The following NFAM1 variants were observed in gnomAD, a reference collection of about 807,000 sequenced individuals.
The protein encoded by NFAM1 is NFAT activating protein with ITAM motif 1, also known as NFAT activation molecule 1.
NFAM1 carries 17 observed loss-of-function variants against 29.0 expected under a neutral mutation model. That is an observed-to-expected ratio of 0.59 (90% confidence interval 0.40 to 0.88). NFAM1 has a LOEUF of 0.88. Among genes scored for constraint, NFAM1 ranks in the 40% least tolerant of loss-of-function variants. The probability of loss-of-function intolerance (pLI) is 0.00; values close to 1 mark genes in which losing one functional copy is unlikely to be tolerated. For synonymous variants in NFAM1, 175 were observed against 147.2 expected, an observed-to-expected ratio of 1.19 and a Z score of -1.36; for missense variants, 324 against 344.6, an observed-to-expected ratio of 0.94 and a Z score of 0.47.
intron 1 of NFAM1, among the ~76,000 whole-genome samples, chr22:42,424,984 C>A (rs1385101119): frequency 6.6e-6 from 1 of 151,844 alleles, no homozygotes; most frequent in African/African-American, 2.4e-5. Flanking sequence ...TGCAGTGGTG[C>A]AATCCCGTCT....
At chr22:42,393,283 G>A (rs1256629662) in intron 4 of NFAM1, among the ~76,000 whole-genome samples, 2 of 152,094 alleles carry the variant, frequency 1.3e-5, no homozygotes, top group African/African-American at 4.8e-5. Context: ...AGATGTGGTG[G>A]TATGCACCTG....
At chr22:42,397,324 G>A (rs1437093869) in intron 4 of NFAM1, among the ~76,000 whole-genome samples, 5 of 152,184 alleles carry the variant, frequency 3.3e-5, no homozygotes, top group Admixed American at 2.6e-4. Flanking sequence ...ACAGCAGAGA[G>A]TGGAACAAAC....
intron 1 of NFAM1, among the ~76,000 whole-genome samples, chr22:42,428,346 A>G (rs1930689944): frequency 1.3e-5 from 2 of 152,320 alleles, no homozygotes; most frequent in South Asian, 4.1e-4. Context: ...ACAAAGATGA[A>G]AAACAGAGGC....
chr22:42,417,566 G>A (rs1930301962), intron 1 of NFAM1, among the ~76,000 whole-genome samples: 1 of 152,198 alleles, frequency 6.6e-6, no homozygotes, highest in Non-Finnish European at 1.5e-5. Flanking sequence ...GGAGAGCGGG[G>A]CCTGGAGGTG....
chr22:42,405,009 G>A (rs1929847359), intron 3 of NFAM1, among the ~76,000 whole-genome samples: 1 of 152,178 alleles, frequency 6.6e-6, no homozygotes, highest in Admixed American at 6.5e-5. Context: ...TTAGCCTAGT[G>A]ATGGCACACA....
At chr22:42,405,819 C>T (rs1929878309) in intron 3 of NFAM1, among the ~76,000 whole-genome samples, 1 of 152,164 alleles carries the variant, frequency 6.6e-6, no homozygotes, top group Non-Finnish European at 1.5e-5. Flanking sequence ...AGGGCAAGGT[C>T]AAAGTAGGAC....
intron 1 of NFAM1, among the ~76,000 whole-genome samples, chr22:42,418,432 T>C (rs1049771831): frequency 1.3e-5 from 2 of 152,240 alleles, no homozygotes; most frequent in African/African-American, 4.8e-5. Context: ...GGCTCATGCC[T>C]ATTAACCCCA....
At chr22:42,403,597 C>A (rs530353258) in intron 3 of NFAM1, among the ~76,000 whole-genome samples, 8 of 152,222 alleles carry the variant, frequency 5.3e-5, no homozygotes, top group African/African-American at 1.9e-4. Context: ...GGATTATAGG[C>A]GTGAGCCACT....
chr22:42,417,039 G>A (rs554507895), intron 1 of NFAM1, among the ~76,000 whole-genome samples: 26 of 152,274 alleles, frequency 1.7e-4, no homozygotes, highest in African/African-American at 6.3e-4. Flanking sequence ...CAAGCACGCA[G>A]AGCCCAGGGC....
intron 1 of NFAM1, among the ~76,000 whole-genome samples, chr22:42,425,343 C>T (rs1193130465): frequency 1.3e-5 from 2 of 152,170 alleles, no homozygotes; most frequent in African/African-American, 2.4e-5. Context: ...TTGCTCTCGG[C>T]CTCCTTTTAA....
At chr22:42,403,623 G>A (rs1030394717) in intron 3 of NFAM1, among the ~76,000 whole-genome samples, 9 of 152,226 alleles carry the variant, frequency 5.9e-5, no homozygotes, top group Admixed American at 3.9e-4. Context: ...CAGCCTGAAT[G>A]AATGAATTTA....
intron 3 of NFAM1, among the ~76,000 whole-genome samples, chr22:42,399,468 G>GA: frequency 6.8e-6 from 1 of 146,500 alleles, no homozygotes; most frequent in African/African-American, 2.5e-5. Context: ...AAAAAAGAAA[G>GA]AAAGAAAAAA....
chr22:42,428,499 T>C (rs1281791188), intron 1 of NFAM1, among the ~76,000 whole-genome samples: 2 of 152,138 alleles, frequency 1.3e-5, no homozygotes, highest in Non-Finnish European at 2.9e-5. Context: ...TGGAGTTCAG[T>C]GGCACGATCT....
intron 1 of NFAM1, 136 bp from the exon 2 acceptor site, chr22:42,411,872 C>T (rs957968951): frequency 2.5e-5 from 16 of 634,302 alleles, no homozygotes; most frequent in Admixed American, 4.9e-5. Context: ...CCGAGGCAGG[C>T]GGATCACTGG....
chr22:42,423,609 C>T (rs1330887651), intron 1 of NFAM1, among the ~76,000 whole-genome samples: 1 of 151,172 alleles, frequency 6.6e-6, no homozygotes, highest in East Asian at 1.9e-4. Flanking sequence ...GTTCCAGCTA[C>T]TCTGGAAGCT....
chr22:42,392,911 T>G (rs2082984233), intron 4 of NFAM1, among the ~76,000 whole-genome samples: 1 of 152,078 alleles, frequency 6.6e-6, no homozygotes, highest in South Asian at 2.1e-4. Flanking sequence ...GTGATTCTCC[T>G]GTCTCAGCCT....
chr22:42,394,522 G>C (rs1395091278), intron 4 of NFAM1, among the ~76,000 whole-genome samples: 1 of 152,042 alleles, frequency 6.6e-6, no homozygotes, highest in African/African-American at 2.4e-5. Context: ...TAACCAGTGA[G>C]GAAAGGAAGA....
In NFAM1 at chr22:42,384,864, A is replaced by G; in HGVS notation, c.*297T>C. The G allele has an allele frequency of 1.0e-5, 5 of 494,112 alleles. No individual in the cohort carries two copies. The South Asian group carries it at 1.1e-4, about 10-fold the overall frequency. 30.6% of individuals were successfully genotyped at this position (494,112 alleles called of 1,614,324 possible). On this transcript the variant is annotated 3_prime_UTR_variant, in exon 6 of 6. Transcript: ENST00000329021. ...GAGCAGGGCTCTGGGCAAGGGTGGC[A>G]TCCAGGAAAGCCCTTGAAGACTGAG...
chr22:42,407,717 T>C (rs1929945825), intron 3 of NFAM1, among the ~76,000 whole-genome samples: 1 of 152,090 alleles, frequency 6.6e-6, no homozygotes, highest in Non-Finnish European at 1.5e-5. Flanking sequence ...GCCTTCCAAG[T>C]AGCCCAGGAC....
Sources: allele counts gnomAD v4.1 joint callset (sites outside exome capture counted in the v4.1 genomes callset), GRCh38; gene constraint gnomAD v4.1.1; transcripts MANE v1.5; gene names NCBI Gene and HGNC (gene_info 2026-07-23, HGNC 2026-07-21).